The following DIAPH2 variants were observed in gnomAD, a reference collection of about 807,000 sequenced individuals.
The protein encoded by DIAPH2 is protein diaphanous homolog 2.
DIAPH2 carries 35 observed loss-of-function variants against 92.7 expected under a neutral mutation model. That is an observed-to-expected ratio of 0.38 (90% CI 0.29 to 0.50). The LOEUF (loss-of-function observed/expected upper bound fraction) is 0.50, where lower values mean the gene tolerates loss of function less well. Among genes scored for constraint, DIAPH2 ranks in the 20% least tolerant of loss-of-function variants. The probability of loss-of-function intolerance (pLI) is 0.94; values close to 1 mark genes in which losing one functional copy is unlikely to be tolerated. For synonymous variants in DIAPH2, 301 were observed against 280.4 expected (o/e 1.07, Z -0.73); for missense variants, 701 against 819.5 (o/e 0.86, Z 1.77).
chrX:97,247,751 T>C lies in DIAPH2; in HGVS notation c.2756T>C (p.Met919Thr). The C allele has an allele frequency of 8.3e-7, 1 of 1,205,088 alleles. No individual in the cohort carries two copies. ...AQILKSNLAS[M>T]EQQIVHLERD... is the part of the protein sequence containing the mutation. The stretch of plus-strand genomic sequence containing the variant: ...ATTCTCAAGAGCAACCTTGCATCAA[T>C]GGAACAACAAATTGTTCATCTGGAA... The change falls in exon 23 of 27, where the codon ATG becomes ACG. Residue 919 changes from methionine to threonine, a missense_variant. This residue lies in a region of DIAPH2 where 536 missense variants were observed against 599.3 expected (regional missense o/e 0.89). Coordinates refer to ENST00000324765, the MANE Select transcript of DIAPH2 (RefSeq NM_006729.5).
intron 17 of DIAPH2, among the ~76,000 whole-genome samples, chrX:97,029,123 A>G (rs1422757128): frequency 9.4e-6 from 1 of 105,991 alleles, no homozygotes; most frequent in Admixed American, 1.0e-4. Context: ...ATAGCTATTG[A>G]GATCCTTTAC....
intron 17 of DIAPH2, among the ~76,000 whole-genome samples, chrX:97,000,881 C>A: frequency 9.0e-6 from 1 of 111,305 alleles, no homozygotes; most frequent in Middle Eastern, 4.7e-3. Context: ...CACACTGTCA[C>A]ACTGTCAGCC....
intron 26 of DIAPH2, among the ~76,000 whole-genome samples, chrX:97,466,455 A>G (rs1307653565): frequency 1.8e-5 from 1 of 56,302 alleles, no homozygotes; most frequent in Non-Finnish European, 3.4e-5. Context: ...ATTTGGTGGG[A>G]CTCTTTACTG....
At chrX:97,303,698 G>C (rs1477377191) in intron 23 of DIAPH2, among the ~76,000 whole-genome samples, 1 of 111,895 alleles carries the variant, frequency 8.9e-6, no homozygotes, top group Non-Finnish European at 1.9e-5. Flanking sequence ...AATGTGCTGG[G>C]TTAAACAAAG....
intron 15 of DIAPH2, among the ~76,000 whole-genome samples, chrX:96,949,978 A>G (rs2065764209): frequency 9.0e-6 from 1 of 111,444 alleles, no homozygotes; most frequent in Non-Finnish European, 1.9e-5. Flanking sequence ...GATTACTTCA[A>G]AAGTCACCAA....
chrX:96,977,322 T>A (rs540246520), intron 17 of DIAPH2, among the ~76,000 whole-genome samples: 2 of 112,080 alleles, frequency 1.8e-5, no homozygotes, highest in East Asian at 5.6e-4. Flanking sequence ...GTAGAATCTG[T>A]CAGTGGTAAA....
chrX:97,047,770 CTGACTTTGTTCTA>C (rs2066494679), intron 17 of DIAPH2, among the ~76,000 whole-genome samples: 4 of 108,287 alleles, frequency 3.7e-5, no homozygotes, highest in Non-Finnish European at 1.9e-5. Context: ...AAGGGATCCT[CTGACTTTGTTCTA>C]TGATTCTAAC....
chrX:97,287,268 G>A (rs780755981), intron 23 of DIAPH2, among the ~76,000 whole-genome samples: 2 of 108,159 alleles, frequency 1.8e-5, no homozygotes, highest in South Asian at 4.1e-4. Flanking sequence ...TCATGCCACC[G>A]AACTCCAGCC....
At chrX:97,453,854 G>A (rs2147795873) in intron 26 of DIAPH2, 1 of 111,377 alleles carries the variant, frequency 9.0e-6, no homozygotes, top group East Asian at 2.8e-4. Context: ...TTTTATATCT[G>A]TGTAGGTGTG....
chrX:97,564,757 A>G (rs978513754), intron 26 of DIAPH2, among the ~76,000 whole-genome samples: 8 of 111,863 alleles, frequency 7.2e-5, no homozygotes, highest in African/African-American at 2.6e-4. Flanking sequence ...AGTACCATAC[A>G]TGACTCACAG....
intron 26 of DIAPH2, among the ~76,000 whole-genome samples, chrX:97,574,369 A>C (rs2071388273): frequency 1.8e-5 from 2 of 112,161 alleles, no homozygotes; most frequent in Admixed American, 1.9e-4. Context: ...ATTCATTCAA[A>C]TGACTCTTGT....
At chrX:97,138,327 A>G (rs1396843450) in intron 21 of DIAPH2, among the ~76,000 whole-genome samples, 1 of 112,208 alleles carries the variant, frequency 8.9e-6, no homozygotes, top group Non-Finnish European at 1.9e-5. Context: ...TTGAACATAT[A>G]AAATATATGT....
At chrX:97,299,912 T>C in intron 23 of DIAPH2, among the ~76,000 whole-genome samples, 1 of 112,202 alleles carries the variant, frequency 8.9e-6, no homozygotes. Context: ...TGTACTCCAG[T>C]TGAAAATCCA....
intron 26 of DIAPH2, among the ~76,000 whole-genome samples, chrX:97,598,338 ATGT>A (rs2071568496): frequency 8.9e-6 from 1 of 112,064 alleles, no homozygotes; most frequent in African/African-American, 3.2e-5. Flanking sequence ...CCTCCCGGAG[ATGT>A]TGTGTGAATT....
intron 23 of DIAPH2, among the ~76,000 whole-genome samples, chrX:97,283,947 A>T (rs965660217): frequency 8.9e-6 from 1 of 112,154 alleles, no homozygotes; most frequent in African/African-American, 3.2e-5. Context: ...CATCTCAAAA[A>T]AAATAATAAA....
At chrX:96,997,327 G>A (rs1285407496) in intron 17 of DIAPH2, among the ~76,000 whole-genome samples, 3 of 111,357 alleles carry the variant, frequency 2.7e-5, no homozygotes, top group African/African-American at 6.5e-5. Flanking sequence ...AGATGCTATC[G>A]TTGTAGTATC....
intron 4 of DIAPH2, among the ~76,000 whole-genome samples, chrX:96,864,546 G>A (rs182687095): frequency 5.4e-5 from 6 of 111,934 alleles, no homozygotes; most frequent in Non-Finnish European, 9.4e-5. Context: ...TTTGAATCTT[G>A]TTCTGAAGGC....
In DIAPH2 at chrX:97,102,253, G is replaced by A. The variant is rs150995100; in HGVS notation, c.2349+2458G>A. On this transcript the variant is annotated intron_variant, in intron 20 of 26. Coordinates refer to ENST00000324765, the MANE Select transcript of DIAPH2 (RefSeq NM_006729.5). ...CTATTTCACTCGCTCCCTATTCTGC[G>A]TCCTTTCATTTTTCCATAGTGGCCA... Among the ~76,000 whole-genome samples the A allele has an allele frequency of 1.3e-4, 15 of 111,149 alleles. No homozygotes were observed. The East Asian group carries it at 4.0e-3, about 29-fold the overall frequency.
intron 26 of DIAPH2, among the ~76,000 whole-genome samples, chrX:97,570,543 A>T (rs1176432198): frequency 9.1e-6 from 1 of 110,221 alleles, no homozygotes; most frequent in East Asian, 2.9e-4. Flanking sequence ...GCATTAAAAA[A>T]TGCTGTAGAA....
Sources: allele counts gnomAD v4.1 joint callset (sites outside exome capture counted in the v4.1 genomes callset), GRCh38; gene constraint gnomAD v4.1.1; regional missense constraint gnomAD v4.1.1; transcripts MANE v1.5; gene names NCBI Gene and HGNC (gene_info 2026-07-23, HGNC 2026-07-21).